The following PTPRD variants were observed in gnomAD, a reference collection of about 807,000 sequenced individuals.
The protein encoded by PTPRD is protein tyrosine phosphatase receptor type D.
PTPRD carries 34 observed loss-of-function variants against 214.5 expected under a neutral mutation model. The observed-to-expected ratio is 0.16, with a 90% CI of 0.12 to 0.21. The LOEUF is 0.21. PTPRD is among the 10% of genes least tolerant of loss of function. PTPRD has a pLI of 1.00. For synonymous variants in PTPRD, 1,128 were observed against 845.7 expected, an observed-to-expected ratio of 1.33 and a Z score of -5.79; for missense variants, 2,545 against 2,398.7, an observed-to-expected ratio of 1.06 and a Z score of -1.27.
At chr9:9,852,650 AT>A (rs1414251406) in intron 5 of PTPRD, among the ~76,000 whole-genome samples, 1 of 152,132 alleles carries the variant, frequency 6.6e-6, no homozygotes, top group Non-Finnish European at 1.5e-5. Flanking sequence ...TATAAATAAG[AT>A]AAAGATTATT....
At chr9:9,247,240 G>A (rs1238242118) in intron 9 of PTPRD, among the ~76,000 whole-genome samples, 1 of 151,906 alleles carries the variant, frequency 6.6e-6, no homozygotes, top group Admixed American at 6.6e-5. Flanking sequence ...CATACAGAGA[G>A]GTCAAGAAGA....
At chr9:9,978,927 A>T (rs1431712149) in intron 4 of PTPRD, among the ~76,000 whole-genome samples, 1 of 152,082 alleles carries the variant, frequency 6.6e-6, no homozygotes, top group Non-Finnish European at 1.5e-5. Flanking sequence ...ACAACAACAA[A>T]AGAATTACAG....
At chr9:8,565,141 G>C (rs1362040212) in intron 14 of PTPRD, among the ~76,000 whole-genome samples, 2 of 152,086 alleles carry the variant, frequency 1.3e-5, no homozygotes, top group Non-Finnish European at 2.9e-5. Flanking sequence ...GGAGTTTCAA[G>C]CTAACCGCAG....
At chr9:10,523,664 G>C (rs555934615) in intron 2 of PTPRD, among the ~76,000 whole-genome samples, 1 of 141,696 alleles carries the variant, frequency 7.1e-6, no homozygotes, top group African/African-American at 2.6e-5. Context: ...GAGAAATAAA[G>C]AGAGAGAGAG....
At chr9:9,183,992 A>G (rs2099929849) in intron 9 of PTPRD, among the ~76,000 whole-genome samples, 1 of 152,104 alleles carries the variant, frequency 6.6e-6, no homozygotes, top group Non-Finnish European at 1.5e-5. Context: ...AATTTGTACA[A>G]GATTTGAAGT....
intron 11 of PTPRD, among the ~76,000 whole-genome samples, chr9:8,735,022 T>A (rs1351694532): frequency 6.6e-6 from 1 of 152,060 alleles, no homozygotes; most frequent in East Asian, 1.9e-4. Flanking sequence ...AAGGTCAGCA[T>A]GCACGGGGCC....
At chr9:8,993,602 G>A (rs1309588869) in intron 11 of PTPRD, among the ~76,000 whole-genome samples, 1 of 152,006 alleles carries the variant, frequency 6.6e-6, no homozygotes, top group East Asian at 1.9e-4. Context: ...AATTTTCAGG[G>A]AAAATCAACT....
At chr9:10,286,176 A>C (rs900437305) in intron 3 of PTPRD, among the ~76,000 whole-genome samples, 2 of 152,208 alleles carry the variant, frequency 1.3e-5, no homozygotes, top group Non-Finnish European at 2.9e-5. Flanking sequence ...TAAGGAAATC[A>C]GTAACTAGCT....
intron 7 of PTPRD, among the ~76,000 whole-genome samples, chr9:9,606,510 C>T (rs567428264): frequency 2.0e-5 from 3 of 152,076 alleles, no homozygotes; most frequent in South Asian, 2.1e-4. Context: ...GCTTGTATGG[C>T]GATCTCCCAA....
chr9:9,120,221 C>A (rs967875499), intron 10 of PTPRD, among the ~76,000 whole-genome samples: 9 of 152,138 alleles, frequency 5.9e-5, no homozygotes, highest in African/African-American at 1.9e-4. Context: ...GAAATCTGTT[C>A]ACCAAATTTA....
chr9:9,866,902 AC>A (rs1354668382), intron 5 of PTPRD, among the ~76,000 whole-genome samples: 2 of 152,262 alleles, frequency 1.3e-5, no homozygotes, highest in East Asian at 3.9e-4. Flanking sequence ...TTCCTATTAA[AC>A]CGCAACAGTT....
At chr9:10,434,960 G>A (rs571483318) in intron 2 of PTPRD, among the ~76,000 whole-genome samples, 2 of 151,846 alleles carry the variant, frequency 1.3e-5, no homozygotes, top group South Asian at 2.1e-4. Context: ...ATGCTACCCC[G>A]AGCGCTGGAC....
chr9:8,879,133 G>C (rs2098420446), intron 11 of PTPRD, among the ~76,000 whole-genome samples: 1 of 152,126 alleles, frequency 6.6e-6, no homozygotes, highest in African/African-American at 2.4e-5. Flanking sequence ...GAGAGGCCTG[G>C]GTCCCCAAGT....
intron 26 of PTPRD, among the ~76,000 whole-genome samples, chr9:8,495,507 A>T (rs2097244601): frequency 6.6e-6 from 1 of 152,222 alleles, no homozygotes; most frequent in Admixed American, 6.6e-5. Context: ...ACTGGATTTT[A>T]AACTGCAGGT....
intron 12 of PTPRD, among the ~76,000 whole-genome samples, chr9:8,675,635 C>G (rs970712523): frequency 2.0e-5 from 3 of 151,398 alleles, no homozygotes; most frequent in African/African-American, 7.3e-5. Flanking sequence ...CATGATGAAG[C>G]CCTGTGCCTC....
intron 2 of PTPRD, among the ~76,000 whole-genome samples, chr9:10,594,588 G>C (rs1313068540): frequency 6.6e-6 from 1 of 152,010 alleles, no homozygotes; most frequent in African/African-American, 2.4e-5. Flanking sequence ...CTGCTATGTT[G>C]TTGGAGTTTA....
intron 22 of PTPRD, among the ~76,000 whole-genome samples, chr9:8,504,672 G>A (rs1302526852): frequency 6.6e-6 from 1 of 152,176 alleles, no homozygotes; most frequent in Non-Finnish European, 1.5e-5. Flanking sequence ...AAATACATCA[G>A]ATAAGACGAA....
intron 11 of PTPRD, among the ~76,000 whole-genome samples, chr9:8,934,326 C>A (rs777221293): frequency 6.8e-6 from 1 of 146,898 alleles, no homozygotes; most frequent in Non-Finnish European, 1.5e-5. Flanking sequence ...CCTGCAGACA[C>A]CAGGTGTAGC....
Position 9,163,148 on chromosome 9 carries a change from A to G in PTPRD, c.-143+20156T>C, listed in dbSNP as rs1256498668. Among the ~76,000 whole-genome samples the G allele has an allele frequency of 3.3e-5, 5 of 152,218 alleles. No individual in the cohort carries two copies. The South Asian group carries it at 6.2e-4, about 19-fold the overall frequency. ...AGGACTTATTAAATGAATCCAAGAA[A>G]CCTTTGGTAAGTTTGTCCACTCCCA... On this transcript the variant is annotated intron_variant, in intron 10 of 45. Transcript: ENST00000381196.
Sources: allele counts gnomAD v4.1 joint callset (sites outside exome capture counted in the v4.1 genomes callset), GRCh38; gene constraint gnomAD v4.1.1; transcripts MANE v1.5; gene names NCBI Gene and HGNC (gene_info 2026-07-23, HGNC 2026-07-21).